The following GUCY1A2 variants were observed in gnomAD, a reference collection of about 807,000 sequenced individuals.
GUCY1A2 encodes the protein guanylate cyclase 1 soluble subunit alpha 2.
A neutral mutation model predicts 63.5 loss-of-function variants in GUCY1A2; 27 were observed. That is an observed-to-expected ratio of 0.43 (90% confidence interval 0.31 to 0.59). GUCY1A2 has a LOEUF of 0.59. Ranked by LOEUF, GUCY1A2 falls within the 20% of genes least tolerant of loss-of-function variation. The pLI, the probability that GUCY1A2 is intolerant of heterozygous loss-of-function variation, is 0.11. For missense variants in GUCY1A2, 768 were observed against 913.3 expected (o/e 0.84, Z 2.05); for synonymous variants, 364 against 343.5 (o/e 1.06, Z -0.66).
At chr11:106,783,917 T>C (rs1864510786) in intron 5 of GUCY1A2, among the ~76,000 whole-genome samples, 1 of 152,090 alleles carries the variant, frequency 6.6e-6, no homozygotes, top group South Asian at 2.1e-4. Context: ...TGTCACCATA[T>C]CCACCCAAAC....
In GUCY1A2 at chr11:106,998,147, G is replaced by A. The variant is rs543327719; in HGVS notation, c.304-12016C>T. Among the ~76,000 whole-genome samples the A allele has an allele frequency of 2.0e-5, 3 of 152,238 alleles. No homozygotes were observed. The East Asian group carries it at 5.8e-4, about 29-fold the overall frequency. ...GGCCATCATGATGTGAATTGTTGTG[G>A]GGGACATTTTCGAAGACCTCCAGCA... On this transcript the variant is annotated intron_variant, in intron 1 of 7. Transcript: ENST00000526355.
chr11:106,956,508 G>T (rs1205639302), intron 3 of GUCY1A2, among the ~76,000 whole-genome samples: 1 of 151,898 alleles, frequency 6.6e-6, no homozygotes. Context: ...GTCACTTTCT[G>T]CTTGTTTTTC....
intron 3 of GUCY1A2, among the ~76,000 whole-genome samples, chr11:106,972,280 G>A (rs998767618): frequency 3.9e-5 from 6 of 152,070 alleles, no homozygotes; most frequent in African/African-American, 1.2e-4. Flanking sequence ...GATGTCAAAT[G>A]GGGAAAATGG....
At chr11:106,873,807 A>G (rs748399748) in intron 4 of GUCY1A2, among the ~76,000 whole-genome samples, 2 of 151,854 alleles carry the variant, frequency 1.3e-5, no homozygotes. Context: ...CTTTTGTTGC[A>G]ATTGCTACAA....
At position 106,983,780 on chromosome 11, in the gene GUCY1A2, C is replaced by T. The variant is rs140213715; in HGVS notation, c.365+2290G>A. 3.9e-5 allele frequency among the ~76,000 whole-genome samples: 6 copies of T among 152,274 alleles called. No homozygotes were observed. The South Asian group carries it at 1.2e-3, about 32-fold the overall frequency. ...ATTAGGAAAAGCATCTCCTTCCCACCCTCACCTGCCAAAAAATAACTAAAA... is the reference window on the plus strand; with the variant it reads ...ATTAGGAAAAGCATCTCCTTCCCACTCTCACCTGCCAAAAAATAACTAAAA... On this transcript the variant is annotated intron_variant, in intron 2 of 7. Coordinates refer to ENST00000526355, the MANE Select transcript of GUCY1A2 (RefSeq NM_000855.3).
chr11:106,705,909 A>G (rs1018837164), intron 7 of GUCY1A2, among the ~76,000 whole-genome samples: 1 of 152,132 alleles, frequency 6.6e-6, no homozygotes, highest in Non-Finnish European at 1.5e-5. Context: ...CACCAAACTC[A>G]TTAGGATGTC....
chr11:106,720,849 G>A (rs1462906163), intron 6 of GUCY1A2, among the ~76,000 whole-genome samples: 1 of 152,068 alleles, frequency 6.6e-6, no homozygotes, highest in Non-Finnish European at 1.5e-5. Context: ...TGAATAAATT[G>A]TAGACTTTAG....
intron 4 of GUCY1A2, among the ~76,000 whole-genome samples, chr11:106,850,996 A>T (rs1859346191): frequency 6.6e-6 from 1 of 151,904 alleles, no homozygotes; most frequent in Admixed American, 6.6e-5. Context: ...CATCTTTGCC[A>T]GCATTTGTTA....
At chr11:106,797,350 T>A (rs117753236) in intron 5 of GUCY1A2, among the ~76,000 whole-genome samples, 1,962 of 152,162 alleles carry the variant, frequency 0.013, 28 homozygotes, top group South Asian at 0.049. Context: ...AGAGGCGCTC[T>A]GATCAACATT....
intron 4 of GUCY1A2, among the ~76,000 whole-genome samples, chr11:106,921,590 CT>C (rs529442494): frequency 5.9e-4 from 90 of 152,204 alleles, no homozygotes; most frequent in Middle Eastern, 3.4e-3. Context: ...CAATTGTCCA[CT>C]CATCGATGGC....
Position 106,678,346 on chromosome 11 carries a change from CATT to C in GUCY1A2, c.*9200_*9202del. ...AAAAAAATTCAGAAGGAGGGTTTCA[CATT>C]ATTGATAAATCAACTAGCTGTTTTC... On this transcript the variant is annotated 3_prime_UTR_variant, in exon 8 of 8. Coordinates refer to ENST00000526355, the MANE Select transcript of GUCY1A2 (RefSeq NM_000855.3). 4.8e-6 allele frequency: 1 copy of C among 208,920 alleles called. No individual in the cohort carries two copies. The highest frequency in any genetic ancestry group is 2.3e-5 in the African/African-American group (1 of 44,062). The allele number at this position is 208,920 out of a possible 1,614,324, so 12.9% of individuals were successfully genotyped here.
At chr11:106,705,884 C>T (rs985187339) in intron 7 of GUCY1A2, among the ~76,000 whole-genome samples, 4 of 151,788 alleles carry the variant, frequency 2.6e-5, no homozygotes, top group Admixed American at 2.6e-4. Flanking sequence ...AAACAAAACA[C>T]GGGCCTTTGA....
chr11:106,773,770 T>C (rs921050308), intron 6 of GUCY1A2, among the ~76,000 whole-genome samples: 2 of 152,212 alleles, frequency 1.3e-5, no homozygotes, highest in Non-Finnish European at 2.9e-5. Context: ...CAAGGTTAAC[T>C]AGATACTTAT....
Position 106,776,419 on chromosome 11 carries a change from T to TCTCA in GUCY1A2, c.1836+19_1836+20insTGAG. ...TTAATGGTGCACTTACTACTCAAAC[T>TCTCA]AGATTGTTGGGAGGGTTACCTGAAT... On this transcript the variant is annotated intron_variant, in intron 6 of 7. Coordinates refer to ENST00000526355, the MANE Select transcript of GUCY1A2 (RefSeq NM_000855.3). 6.2e-7 allele frequency: 1 copy of TCTCA among 1,603,292 alleles called. No homozygotes were observed. Among genetic ancestry groups the TCTCA allele is most frequent in the Non-Finnish European group, 8.5e-7 (1 of 1,170,512 alleles).
chr11:106,696,910 A>T (rs11211872), intron 7 of GUCY1A2, among the ~76,000 whole-genome samples: 1 of 152,046 alleles, frequency 6.6e-6, no homozygotes, highest in Non-Finnish European at 1.5e-5. Context: ...TCTTTCCCCC[A>T]TACAGGTTAG....
intron 4 of GUCY1A2, among the ~76,000 whole-genome samples, chr11:106,895,673 TTCTTTA>T (rs1339404411): frequency 6.6e-6 from 1 of 152,176 alleles, no homozygotes; most frequent in Non-Finnish European, 1.5e-5. Flanking sequence ...AAACCTCTTT[TTCTTTA>T]TAAGTTACCC....
chr11:106,827,482 T>C, intron 4 of GUCY1A2: 8 of 1,469,882 alleles, frequency 5.4e-6, no homozygotes, highest in Non-Finnish European at 6.7e-6. Flanking sequence ...CTGAAATTCC[T>C]GAGCACTGTC....
intron 7 of GUCY1A2, among the ~76,000 whole-genome samples, chr11:106,693,108 C>T (rs1862654696): frequency 6.6e-6 from 1 of 152,140 alleles, no homozygotes; most frequent in Non-Finnish European, 1.5e-5. Flanking sequence ...TACTCACTAC[C>T]CAGCTACTGC....
At chr11:106,956,971 C>T (rs899327832) in intron 3 of GUCY1A2, among the ~76,000 whole-genome samples, 9 of 152,180 alleles carry the variant, frequency 5.9e-5, no homozygotes, top group African/African-American at 2.2e-4. Context: ...TGTCCCCGAG[C>T]CTCTAGCTGG....
Sources: gnomAD v4.1 joint callset for allele counts (sites outside exome capture counted in the v4.1 genomes callset) on GRCh38, gnomAD v4.1.1 for gene constraint, MANE v1.5 for transcripts, NCBI Gene and HGNC (gene_info 2026-07-23, HGNC 2026-07-21) for gene names.